ELOVL5: variants seen among roughly 807,000 people sequenced by gnomAD.
The protein encoded by ELOVL5 is ELOVL fatty acid elongase 5.
A neutral mutation model predicts 38.6 loss-of-function variants in ELOVL5; 8 were observed. The observed-to-expected ratio is 0.21, with a 90% CI of 0.12 to 0.37. The LOEUF is 0.37. Ranked by LOEUF, ELOVL5 falls within the 10% of genes least tolerant of loss-of-function variation. The pLI is 1.00. For synonymous variants in ELOVL5, 127 were observed against 133.7 expected (o/e 0.95, Z 0.34); for missense variants, 280 against 367.8 (o/e 0.76, Z 1.95).
intron 1 of ELOVL5, among the ~76,000 whole-genome samples, chr6:53,339,127 A>G (rs1017772430): frequency 1.3e-5 from 2 of 152,232 alleles, no homozygotes; most frequent in African/African-American, 4.8e-5. Flanking sequence ...TGTGTAAAAA[A>G]TGGGGGAAAA....
chr6:53,277,092 T>A (rs958639865), intron 3 of ELOVL5: 8 of 151,666 alleles, frequency 5.3e-5, no homozygotes, highest in Admixed American at 4.0e-4. Context: ...AATTCTTGTG[T>A]TCCCTGTCCT....
At chr6:53,289,805 T>C (rs1378937892) in intron 3 of ELOVL5, among the ~76,000 whole-genome samples, 1 of 152,246 alleles carries the variant, frequency 6.6e-6, no homozygotes, top group African/African-American at 2.4e-5. Context: ...TGATGGGTTT[T>C]ACAATATGTA....
At chr6:53,270,261 T>C (rs1765872354) in intron 7 of ELOVL5, among the ~76,000 whole-genome samples, 1 of 152,208 alleles carries the variant, frequency 6.6e-6, no homozygotes, top group African/African-American at 2.4e-5. Flanking sequence ...GGCCATGACG[T>C]TCAGGGTAGT....
chr6:53,282,177 A>T (rs760535592), intron 3 of ELOVL5, among the ~76,000 whole-genome samples: 1 of 152,244 alleles, frequency 6.6e-6, no homozygotes, highest in Non-Finnish European at 1.5e-5. Context: ...AATGTTAAGT[A>T]CTTTTGCTTC....
At chr6:53,274,408 G>GA (rs546447179) in intron 5 of ELOVL5, among the ~76,000 whole-genome samples, 162 of 151,894 alleles carry the variant, frequency 1.1e-3, no homozygotes, top group African/African-American at 3.5e-3. Context: ...CTATCCCAGA[G>GA]AAAAAAATAT....
At chr6:53,299,669 A>G (rs1001435490) in intron 1 of ELOVL5, among the ~76,000 whole-genome samples, 1 of 152,210 alleles carries the variant, frequency 6.6e-6, no homozygotes, top group Non-Finnish European at 1.5e-5. Flanking sequence ...GAATCCTGTT[A>G]CAAGCCATCT....
chr6:53,298,906 G>GGGGGGGGGGT (rs1767135066), intron 1 of ELOVL5, among the ~76,000 whole-genome samples: 1 of 149,236 alleles, frequency 6.7e-6, no homozygotes, highest in Non-Finnish European at 1.5e-5. Flanking sequence ...AAGGCGGGGG[G>GGGGGGGGGGT]GGGGAGTTGA....
rs1766429111 is a variant in ELOVL5, at chr6:53,283,232, T to A, written c.247-6976A>T. Among the ~76,000 whole-genome samples, 4 of 151,554 alleles carry A rather than the reference T, an allele frequency of 2.6e-5. No homozygotes were observed. In the South Asian group the frequency reaches 8.4e-4, roughly 32 times the overall value. ...ATTCTTACCTATAATGCGAGGGAGG[T>A]CCCCACAACAAATTATTCTTTAGAA... On this transcript the variant is annotated intron_variant, in intron 3 of 7. Transcript: ENST00000304434.
At chr6:53,304,325 G>A (rs1767388601) in intron 1 of ELOVL5, among the ~76,000 whole-genome samples, 1 of 152,188 alleles carries the variant, frequency 6.6e-6, no homozygotes, top group Non-Finnish European at 1.5e-5. Context: ...TAACAGAGGT[G>A]CTCTCTTCTC....
chr6:53,291,045 T>C (rs1766754177), intron 3 of ELOVL5, among the ~76,000 whole-genome samples: 1 of 152,134 alleles, frequency 6.6e-6, no homozygotes, highest in Admixed American at 6.5e-5. Flanking sequence ...ACAAACTGCT[T>C]ACCACCAGAG....
intron 3 of ELOVL5, among the ~76,000 whole-genome samples, chr6:53,278,399 G>C (rs2127569065): frequency 6.6e-6 from 1 of 152,258 alleles, no homozygotes; most frequent in East Asian, 1.9e-4. Context: ...CCAAAGATGA[G>C]AACGGGTTGA....
At chr6:53,288,471 A>G (rs1184896539) in intron 3 of ELOVL5, among the ~76,000 whole-genome samples, 3 of 152,228 alleles carry the variant, frequency 2.0e-5, no homozygotes, top group South Asian at 2.1e-4. Flanking sequence ...GGATTGCTAT[A>G]AAGTCCAATA....
At chr6:53,311,804 G>A (rs142119519) in intron 1 of ELOVL5, among the ~76,000 whole-genome samples, 1 of 152,142 alleles carries the variant, frequency 6.6e-6, no homozygotes, top group African/African-American at 2.4e-5. Context: ...GCCAGGGGCT[G>A]GGGAAACGAA....
At chr6:53,315,951 A>G (rs1768017165) in intron 1 of ELOVL5, among the ~76,000 whole-genome samples, 1 of 152,218 alleles carries the variant, frequency 6.6e-6, no homozygotes, top group Admixed American at 6.5e-5. Flanking sequence ...CTATACTGTA[A>G]TAGCATACAC....
At chr6:53,316,125 C>T (rs902679363) in intron 1 of ELOVL5, among the ~76,000 whole-genome samples, 2 of 152,154 alleles carry the variant, frequency 1.3e-5, no homozygotes, top group African/African-American at 4.8e-5. Context: ...CACCTCAATT[C>T]GTGGCAGCTA....
chr6:53,321,774 T>C (rs1162934278), intron 1 of ELOVL5, among the ~76,000 whole-genome samples: 5 of 152,180 alleles, frequency 3.3e-5, no homozygotes, highest in Admixed American at 1.3e-4. Context: ...GCTGAATAAA[T>C]AAACACTAAA....
intron 1 of ELOVL5, among the ~76,000 whole-genome samples, chr6:53,312,938 A>T (rs553668774): frequency 2.1e-4 from 32 of 152,348 alleles, no homozygotes; most frequent in African/African-American, 7.5e-4. Context: ...ACCTAAATGC[A>T]GGTGTTTCAA....
At chr6:53,305,613 G>C (rs1398537220) in intron 1 of ELOVL5, among the ~76,000 whole-genome samples, 2 of 149,530 alleles carry the variant, frequency 1.3e-5, no homozygotes, top group African/African-American at 4.9e-5. Context: ...ATGGGCGGCC[G>C]GGCAGAGACG....
intron 1 of ELOVL5, among the ~76,000 whole-genome samples, chr6:53,311,085 T>C (rs1239365816): frequency 6.6e-6 from 1 of 152,182 alleles, no homozygotes; most frequent in East Asian, 1.9e-4. Flanking sequence ...GGGTGGGCTC[T>C]TCACAGAACT....
Sources: gnomAD v4.1 joint callset for allele counts (sites outside exome capture counted in the v4.1 genomes callset) on GRCh38, gnomAD v4.1.1 for gene constraint, MANE v1.5 for transcripts, NCBI Gene and HGNC (gene_info 2026-07-23, HGNC 2026-07-21) for gene names.